The following PTPRD variants were observed in gnomAD, a reference collection of about 807,000 sequenced individuals.
PTPRD encodes the protein protein tyrosine phosphatase receptor type D, also known as receptor-type tyrosine-protein phosphatase delta.
A neutral mutation model predicts 214.5 loss-of-function variants in PTPRD; 34 were observed. The ratio of observed to expected loss-of-function variants is 0.16; its 90% CI spans 0.12 to 0.21. The LOEUF (loss-of-function observed/expected upper bound fraction) is 0.21. PTPRD is among the 10% of genes least tolerant of loss of function. The pLI is 1.00. For synonymous variants in PTPRD, 1,128 were observed against 845.7 expected, an observed-to-expected ratio of 1.33 and a Z score of -5.79; for missense variants, 2,545 against 2,398.7, an observed-to-expected ratio of 1.06 and a Z score of -1.27.
intron 2 of PTPRD, among the ~76,000 whole-genome samples, chr9:10,410,328 A>T (rs2098421613): frequency 6.9e-6 from 1 of 144,758 alleles, no homozygotes; most frequent in African/African-American, 2.5e-5. Flanking sequence ...TAAATTTATG[A>T]TATATTTTAC....
intron 3 of PTPRD, among the ~76,000 whole-genome samples, chr9:10,084,421 A>T (rs544955010): frequency 6.6e-6 from 1 of 151,986 alleles, no homozygotes; most frequent in South Asian, 2.1e-4. Context: ...TATACTATGA[A>T]TAAAATGATA....
At chr9:10,197,944 T>A (rs1057323791) in intron 3 of PTPRD, among the ~76,000 whole-genome samples, 1 of 152,142 alleles carries the variant, frequency 6.6e-6, no homozygotes, top group African/African-American at 2.4e-5. Context: ...TTAATACTTC[T>A]ATGAAGTATA....
At chr9:8,861,342 G>T (rs774841941) in intron 11 of PTPRD, 1 of 152,176 alleles carries the variant, frequency 6.6e-6, no homozygotes, top group Non-Finnish European at 1.5e-5. Flanking sequence ...TGTGGGTTGC[G>T]AATCTAGTGG....
At chr9:10,145,486 T>A (rs887514410) in intron 3 of PTPRD, among the ~76,000 whole-genome samples, 12 of 152,160 alleles carry the variant, frequency 7.9e-5, no homozygotes, top group Admixed American at 3.9e-4. Flanking sequence ...ATAGTTTTCT[T>A]AATAACATTT....
intron 3 of PTPRD, among the ~76,000 whole-genome samples, chr9:10,063,846 AC>A (rs1313608861): frequency 2.6e-5 from 4 of 151,982 alleles, no homozygotes; most frequent in Admixed American, 2.0e-4. Flanking sequence ...AAAACAAAAA[AC>A]AAAAACAACA....
At chr9:8,448,658 C>T (rs1454046547) in intron 34 of PTPRD, among the ~76,000 whole-genome samples, 1 of 152,096 alleles carries the variant, frequency 6.6e-6, no homozygotes, top group African/African-American at 2.4e-5. Context: ...TGTATAGCCA[C>T]ACTGAAAATG....
At chr9:8,534,638 T>TAC (rs371056231) in intron 14 of PTPRD, among the ~76,000 whole-genome samples, 4,439 of 149,930 alleles carry the variant, frequency 0.03, 82 homozygotes, top group Non-Finnish European at 0.04. Context: ...TATATATATA[T>TAC]ACACACACAC....
chr9:10,126,012 C>T lies in PTPRD; in HGVS notation c.-544-92222G>A, dbSNP rs143493104. ...TTATTAATTTTAAACCTATAAAACA[C>T]ATTTTGGGAAGAGAACAGAAATAGA... On this transcript the variant is annotated intron_variant, in intron 3 of 45. Transcript: ENST00000381196. 4.4e-3 allele frequency among the ~76,000 whole-genome samples: 673 copies of T among 152,150 alleles called. 2 individuals are homozygous for T. Among genetic ancestry groups the T allele is most frequent in the Non-Finnish European group, 4.8e-3 (328 of 67,988 alleles).
intron 12 of PTPRD, among the ~76,000 whole-genome samples, chr9:8,726,026 G>GACAC (rs71500962): frequency 0.013 from 1,777 of 139,518 alleles, 25 homozygotes; most frequent in African/African-American, 0.032. Flanking sequence ...CAGACAGACA[G>GACAC]ACACACACAC....
intron 3 of PTPRD, among the ~76,000 whole-genome samples, chr9:10,307,303 C>T (rs975163834): frequency 5.9e-5 from 9 of 152,124 alleles, no homozygotes; most frequent in Admixed American, 5.2e-4. Flanking sequence ...TTAGCTCTCA[C>T]ATATGAGTAA....
intron 3 of PTPRD, among the ~76,000 whole-genome samples, chr9:10,116,201 C>T (rs537833052): frequency 6.6e-6 from 1 of 152,062 alleles, no homozygotes; most frequent in Non-Finnish European, 1.5e-5. Flanking sequence ...ATAACCACAT[C>T]ATCATAAAGA....
chr9:9,477,879 C>G (rs1589424971), intron 8 of PTPRD, among the ~76,000 whole-genome samples: 1 of 152,070 alleles, frequency 6.6e-6, no homozygotes, highest in East Asian at 1.9e-4. Flanking sequence ...TGTTGATTCT[C>G]AAATTGAATT....
chr9:9,325,867 A>C (rs965746390), intron 9 of PTPRD, among the ~76,000 whole-genome samples: 3 of 152,180 alleles, frequency 2.0e-5, no homozygotes, highest in Admixed American at 2.0e-4. Context: ...GATATGTTCC[A>C]TCAATACTTA....
chr9:10,525,138 A>G (rs542992416), intron 2 of PTPRD, among the ~76,000 whole-genome samples: 1 of 152,164 alleles, frequency 6.6e-6, no homozygotes, highest in African/African-American at 2.4e-5. Flanking sequence ...AAGTTAGTAC[A>G]TTTATCCAAA....
chr9:8,587,864 C>A (rs141962980), intron 14 of PTPRD, among the ~76,000 whole-genome samples: 1 of 152,314 alleles, frequency 6.6e-6, no homozygotes, highest in East Asian at 1.9e-4. Context: ...TCTGTTTCCA[C>A]TGACCAGATG....
intron 12 of PTPRD, among the ~76,000 whole-genome samples, chr9:8,723,072 T>C (rs575365712): frequency 3.5e-4 from 53 of 152,128 alleles, no homozygotes; most frequent in Admixed American, 6.5e-4. Flanking sequence ...ATAATATATG[T>C]GTTTCCCTAC....
chr9:8,672,472 G>C (rs1363385482), intron 12 of PTPRD, among the ~76,000 whole-genome samples: 4 of 152,198 alleles, frequency 2.6e-5, no homozygotes, highest in African/African-American at 9.6e-5. Flanking sequence ...CTTTATTAGG[G>C]TTGGGCAGGA....
rs118041906 is a variant in PTPRD, at chr9:9,222,001, A to G, written c.-202-38638T>C. Among the ~76,000 whole-genome samples, 30 of 152,218 alleles carry G rather than the reference A, an allele frequency of 2.0e-4. No homozygotes were observed. In the East Asian group the frequency reaches 5.6e-3, roughly 29 times the overall value. On this transcript the variant is annotated intron_variant, in intron 9 of 45. Coordinates refer to ENST00000381196, the MANE Select transcript of PTPRD (RefSeq NM_002839.4). ...TAGACATTAAAGTTTAAATCAATCA[A>G]TGTTATAAAATTCATAATAAAAGCA...
chr9:9,741,026 C>T (rs1436033128), intron 6 of PTPRD, among the ~76,000 whole-genome samples: 7 of 151,994 alleles, frequency 4.6e-5, no homozygotes, highest in African/African-American at 2.4e-5. Flanking sequence ...GGAAAGACTT[C>T]GGTAACTGGC....
Sources: gnomAD v4.1 joint callset for allele counts (sites outside exome capture counted in the v4.1 genomes callset) on GRCh38, gnomAD v4.1.1 for gene constraint, MANE v1.5 for transcripts, NCBI Gene and HGNC (gene_info 2026-07-23, HGNC 2026-07-21) for gene names.